Variants in DACH2 observed in about 807,000 individuals in gnomAD.
The protein encoded by DACH2 is dachshund homolog 2.
A neutral mutation model predicts 35.8 loss-of-function variants in DACH2; 17 were observed. The ratio of observed to expected loss-of-function variants is 0.48; its 90% CI spans 0.33 to 0.71. The LOEUF (loss-of-function observed/expected upper bound fraction) is 0.71. DACH2 is among the 30% of genes least tolerant of loss of function. DACH2 has a pLI of 0.02. For synonymous variants in DACH2, 195 were observed against 177.3 expected, an observed-to-expected ratio of 1.10 and a Z score of -0.79; for missense variants, 469 against 472.7, an observed-to-expected ratio of 0.99 and a Z score of 0.07.
intron 7 of DACH2, among the ~76,000 whole-genome samples, chrX:86,776,071 C>G (rs1158177437): frequency 9.0e-6 from 1 of 111,481 alleles, no homozygotes; most frequent in Non-Finnish European, 1.9e-5. Context: ...TCCAGACTAT[C>G]TGTCATAGGC....
chrX:86,644,170 A>G (rs929880915), intron 3 of DACH2, among the ~76,000 whole-genome samples: 2 of 111,393 alleles, frequency 1.8e-5, no homozygotes, highest in Non-Finnish European at 3.8e-5. Flanking sequence ...GAGGAAGTCA[A>G]ACGATCTCTG....
intron 1 of DACH2, among the ~76,000 whole-genome samples, chrX:86,179,245 G>C (rs771291678): frequency 8.9e-5 from 10 of 112,452 alleles, no homozygotes; most frequent in Non-Finnish European, 1.3e-4. Context: ...CCTGTTTGCA[G>C]AAATACTGTT....
rs2033836524 is a variant in DACH2, at chrX:86,272,651, A to C, written c.489-104173A>C. 2.7e-5 allele frequency among the ~76,000 whole-genome samples: 3 copies of C among 111,872 alleles called. No individual in the cohort carries two copies. In the South Asian group the frequency reaches 1.1e-3, roughly 42 times the overall value. Reference sequence around the variant, plus strand: ...AACTAGTAACATTGAGGAGGGACTAAGTTTACATTGCTATTGATTTGAATT... The same window carrying C: ...AACTAGTAACATTGAGGAGGGACTACGTTTACATTGCTATTGATTTGAATT... On this transcript the variant is annotated intron_variant, in intron 1 of 11. Transcript: ENST00000373125.
At chrX:86,204,300 G>T (rs1452959245) in intron 1 of DACH2, among the ~76,000 whole-genome samples, 1 of 112,059 alleles carries the variant, frequency 8.9e-6, no homozygotes, top group African/African-American at 3.2e-5. Context: ...CCGGTGGAAA[G>T]ACATGTTTTA....
intron 2 of DACH2, among the ~76,000 whole-genome samples, chrX:86,440,575 CT>C (rs1410410428): frequency 9.0e-6 from 1 of 111,372 alleles, no homozygotes. Flanking sequence ...GACAATTTCT[CT>C]TCTTTAATTG....
chrX:86,410,247 T>C (rs1347725486), intron 2 of DACH2, among the ~76,000 whole-genome samples: 1 of 112,211 alleles, frequency 8.9e-6, no homozygotes, highest in African/African-American at 3.2e-5. Context: ...TCCTTTACAC[T>C]TGGATTCATA....
chrX:86,153,635 A>G (rs932379298), intron 1 of DACH2, among the ~76,000 whole-genome samples: 3 of 111,784 alleles, frequency 2.7e-5, no homozygotes, highest in African/African-American at 6.5e-5. Flanking sequence ...TAGTAAATGC[A>G]CATTTTATTC....
chrX:86,631,289 T>C (rs1351445336), intron 3 of DACH2, among the ~76,000 whole-genome samples: 1 of 112,103 alleles, frequency 8.9e-6, no homozygotes, highest in East Asian at 2.8e-4. Flanking sequence ...CTACTGAAAA[T>C]AAACCCAAAT....
At chrX:86,541,245 T>C (rs2038876899) in intron 3 of DACH2, among the ~76,000 whole-genome samples, 1 of 111,847 alleles carries the variant, frequency 8.9e-6, no homozygotes, top group African/African-American at 3.2e-5. Context: ...TATATGCTCC[T>C]TAGCACACAG....
At chrX:86,159,216 C>T (rs2030662147) in intron 1 of DACH2, among the ~76,000 whole-genome samples, 2 of 111,517 alleles carry the variant, frequency 1.8e-5, no homozygotes, top group African/African-American at 6.5e-5. Flanking sequence ...ATTTGCTTTG[C>T]ATGTGGTCCT....
Position 86,439,265 on chromosome X carries a change from G to A in DACH2, c.527+62403G>A, listed in dbSNP as rs753953042. ...TCATTATTATTACTTTTTTACTATC[G>A]AGTTGTTTGAGTTCCTTGTGTATTC... On this transcript the variant is annotated intron_variant, in intron 2 of 11. Transcript: ENST00000373125. Among the ~76,000 whole-genome samples the A allele has an allele frequency of 1.4e-3, 153 of 111,004 alleles. 1 individual carries two copies. Among genetic ancestry groups the A allele is most frequent in the Non-Finnish European group, 2.5e-3 (134 of 52,857 alleles).
intron 4 of DACH2, among the ~76,000 whole-genome samples, chrX:86,683,861 C>A (rs1473580809): frequency 3.6e-5 from 4 of 111,297 alleles, no homozygotes; most frequent in African/African-American, 9.8e-5. Context: ...TTAAGAAACT[C>A]AGACTCAAAG....
chrX:86,174,299 T>G (rs921875326), intron 1 of DACH2, among the ~76,000 whole-genome samples: 3 of 109,254 alleles, frequency 2.7e-5, no homozygotes, highest in Admixed American at 9.8e-5. Context: ...ATTTAAATAA[T>G]TTATTTTTTA....
chrX:86,666,204 C>T (rs2040666893), intron 4 of DACH2, among the ~76,000 whole-genome samples: 1 of 110,949 alleles, frequency 9.0e-6, no homozygotes, highest in Non-Finnish European at 1.9e-5. Context: ...CTCCACCAAC[C>T]TCTGTTTACT....
intron 1 of DACH2, among the ~76,000 whole-genome samples, chrX:86,340,130 A>C (rs1475713061): frequency 8.9e-6 from 1 of 111,842 alleles, no homozygotes; most frequent in African/African-American, 3.2e-5. Context: ...TTCCTAGGAT[A>C]CCTTGTACAG....
chrX:86,751,656 T>G (rs2147272052), intron 7 of DACH2, among the ~76,000 whole-genome samples: 1 of 110,050 alleles, frequency 9.1e-6, no homozygotes, highest in East Asian at 2.9e-4. Flanking sequence ...AATATGTAAA[T>G]ACTGGTGAAG....
chrX:86,409,102 A>G (rs2036569535), intron 2 of DACH2, among the ~76,000 whole-genome samples: 1 of 111,574 alleles, frequency 9.0e-6, no homozygotes, highest in Admixed American at 9.6e-5. Flanking sequence ...ATGATTATCT[A>G]TTGAGTAGAG....
intron 3 of DACH2, among the ~76,000 whole-genome samples, chrX:86,634,029 G>A (rs1015190078): frequency 3.6e-5 from 4 of 111,502 alleles, no homozygotes; most frequent in Non-Finnish European, 5.7e-5. Flanking sequence ...GCATTACTAG[G>A]AGGCCATAGG....
chrX:86,311,026 G>A (rs181921828), intron 1 of DACH2, among the ~76,000 whole-genome samples: 163 of 109,622 alleles, frequency 1.5e-3, no homozygotes, highest in African/African-American at 5.0e-3. Context: ...GCCACTGCTG[G>A]GTGCTCAGTT....
Sources: allele counts gnomAD v4.1 joint callset (sites outside exome capture counted in the v4.1 genomes callset), GRCh38; gene constraint gnomAD v4.1.1; transcripts MANE v1.5; gene names NCBI Gene and HGNC (gene_info 2026-07-23, HGNC 2026-07-21).